The following SERPINA12 variants were observed in gnomAD, a reference collection of about 807,000 sequenced individuals.
SERPINA12 encodes the protein serpin A12.
A neutral mutation model predicts 25.9 loss-of-function variants in SERPINA12; 21 were observed. That is an observed-to-expected ratio of 0.81 (90% CI 0.58 to 1.17). SERPINA12 has a LOEUF of 1.17. SERPINA12 is among the 50% of genes most tolerant of loss of function. The pLI is 0.00. For synonymous variants in SERPINA12, 220 were observed against 196.0 expected (o/e 1.12, Z -1.02); for missense variants, 562 against 508.3 (o/e 1.11, Z -1.02).
At position 94,489,784 on chromosome 14, in the gene SERPINA12, A is replaced by T. The variant is rs371013426; in HGVS notation, c.906-17T>A. On this transcript the variant is annotated splice_polypyrimidine_tract_variant and intron_variant, in intron 3 of 4. Transcript: ENST00000677451. ...TCTACGACCCTGGGGAATTGACACG[A>T]CAAGGGTGAGTGGTCAAGTCCTGTT... 1 of 1,612,688 alleles carries T rather than the reference A, an allele frequency of 6.2e-7. No homozygotes were observed. The highest frequency in any genetic ancestry group is 8.5e-7 in the Non-Finnish European group (1 of 1,179,060).
chr14:94,488,561 T>C (rs1900002199), intron 4 of SERPINA12, among the ~76,000 whole-genome samples: 1 of 152,190 alleles, frequency 6.6e-6, no homozygotes, highest in Admixed American at 6.5e-5. Context: ...GAATATGTTT[T>C]AGTGTAAGTG....
chr14:94,492,743 T>C (rs10150123), intron 3 of SERPINA12, among the ~76,000 whole-genome samples: 10,728 of 152,212 alleles, frequency 0.07, 1,284 homozygotes, highest in African/African-American at 0.24. Context: ...CATATACCAA[T>C]ATGTACGGAA....
At chr14:94,511,537 G>A (rs966275096), upstream of SERPINA12, 28 of 985,274 alleles carry the variant, frequency 2.8e-5, no homozygotes, top group South Asian at 1.2e-3. Flanking sequence ...TCCTGGGATG[G>A]CTCACTCTAG....
chr14:94,487,841 G>T (rs1899969379), intron 4 of SERPINA12, among the ~76,000 whole-genome samples: 1 of 152,132 alleles, frequency 6.6e-6, no homozygotes, highest in Non-Finnish European at 1.5e-5. Flanking sequence ...GTGAAAGTGA[G>T]GTGGTGGTAC....
At chr14:94,493,528 C>G (rs937421905) in intron 3 of SERPINA12, among the ~76,000 whole-genome samples, 4 of 152,122 alleles carry the variant, frequency 2.6e-5, no homozygotes, top group Admixed American at 6.5e-5. Flanking sequence ...GAAGGAGGTG[C>G]CCTGGAAGAG....
At chr14:94,487,527 C>G (rs773743293) in intron 4 of SERPINA12, 33 bp from the exon 5 acceptor site, 1 of 1,567,370 alleles carries the variant, frequency 6.4e-7, no homozygotes, top group East Asian at 2.3e-5. Context: ...CAAGGTCTGC[C>G]AAGCTCCTTG....
At chr14:94,508,633 A>G (rs1901015693) in intron 1 of SERPINA12, among the ~76,000 whole-genome samples, 13 of 152,260 alleles carry the variant, frequency 8.5e-5, no homozygotes, top group Admixed American at 8.5e-4. Context: ...GATGGCATAT[A>G]TGGATATACC....
upstream of SERPINA12, among the ~76,000 whole-genome samples, chr14:94,513,043 C>T (rs987122975): frequency 6.6e-6 from 1 of 152,180 alleles, no homozygotes; most frequent in East Asian, 1.9e-4. Flanking sequence ...GGAGTGATAC[C>T]GAGGGTAGCT....
Position 94,497,903 on chromosome 14 carries a change from G to A in SERPINA12, c.495C>T (p.Thr165=). 4 of 1,614,178 alleles carry A rather than the reference G, an allele frequency of 2.5e-6. No homozygotes were observed. The highest frequency in any genetic ancestry group is 3.4e-6 in the Non-Finnish European group (4 of 1,180,034). ...KNFYSAETIL[T]NFQNLEMAQK... The stretch of plus-strand genomic sequence containing the variant: ...GAGCCATTTCCAAATTCTGAAAGTT[G>A]GTAAGGATGGTTTCGGCACTGTAAA... Residue 165 remains threonine, a synonymous_variant, in exon 2 of 5, where the codon ACC becomes ACT. Transcript: ENST00000677451.
At chr14:94,503,479 G>T in intron 1 of SERPINA12, 1 of 216,072 alleles carries the variant, frequency 4.6e-6, no homozygotes, top group Non-Finnish European at 7.9e-6. Flanking sequence ...AAGCCCCACA[G>T]CCTTCTCCAA....
chr14:94,515,670 G>A (rs188839142), intron 2 of SERPINA12: 1 of 151,930 alleles, frequency 6.6e-6, no homozygotes, highest in Non-Finnish European at 1.5e-5. Flanking sequence ...ATGCAGGCAA[G>A]CAGTGCAGAT....
intron 4 of SERPINA12, 118 bp from the exon 5 acceptor site, chr14:94,487,612 G>A: frequency 1.3e-6 from 1 of 755,552 alleles, no homozygotes; most frequent in South Asian, 2.1e-5. Context: ...CAGCACAGCA[G>A]TAACTTGGTT....
At chr14:94,509,475 G>C (rs1052807553), upstream of SERPINA12, among the ~76,000 whole-genome samples, 9 of 151,940 alleles carry the variant, frequency 5.9e-5, no homozygotes, top group Admixed American at 6.6e-5. Context: ...GTTCCTCTAG[G>C]CTCCCAGCCC....
At chr14:94,497,678 A>T in intron 2 of SERPINA12, 86 bp downstream of exon 2, 1 of 1,250,140 alleles carries the variant, frequency 8.0e-7, no homozygotes, top group East Asian at 2.3e-5. Flanking sequence ...TCAAGGTCAC[A>T]GAGTAAACAA....
chr14:94,494,766 A>G (rs1900323637), intron 3 of SERPINA12, among the ~76,000 whole-genome samples: 3 of 152,232 alleles, frequency 2.0e-5, no homozygotes, highest in African/African-American at 4.8e-5. Flanking sequence ...CTGTGGGGCA[A>G]TGCTGTGCTA....
At chr14:94,493,252 T>G (rs1449113929) in intron 3 of SERPINA12, among the ~76,000 whole-genome samples, 2 of 152,296 alleles carry the variant, frequency 1.3e-5, no homozygotes, top group African/African-American at 4.8e-5. Flanking sequence ...TTTGTTCCTA[T>G]CATGTTCTAA....
At position 94,496,494 on chromosome 14, in the gene SERPINA12, T is replaced by C; in HGVS notation, c.784A>G (p.Ile262Val). Residue 262 changes from isoleucine (I) to valine (V), a missense_variant, in exon 3 of 5, where the codon ATA (isoleucine) becomes GTA (valine). Physicochemically the swap from Ile to Val is conservative, Grantham distance 29 (BLOSUM62 3). Coordinates refer to ENST00000677451, the MANE Select transcript of SERPINA12 (RefSeq NM_001382267.1). Reference protein sequence around the residue: ...DDKLSCTILEIPYQKNITAIF... With the variant: ...DDKLSCTILEVPYQKNITAIF... ...GCTGTGATATTTTTCTGGTAGGGTA[T>C]TTCCAGGATGGTGCAAGAGAGCTTA... 1 of 1,614,130 alleles carries C rather than the reference T, an allele frequency of 6.2e-7. No homozygotes were observed. Among genetic ancestry groups the C allele is most frequent in the South Asian group, 1.1e-5 (1 of 91,068 alleles).
At chr14:94,498,688 T>C (rs1900580530) in intron 1 of SERPINA12, among the ~76,000 whole-genome samples, 1 of 152,210 alleles carries the variant, frequency 6.6e-6, no homozygotes, top group African/African-American at 2.4e-5. Context: ...AGTGTCTCAA[T>C]TCCTTTGAGG....
intron 2 of SERPINA12, among the ~76,000 whole-genome samples, chr14:94,497,408 G>A (rs113958256): frequency 0.054 from 8,277 of 152,270 alleles, 291 homozygotes; most frequent in Middle Eastern, 0.13. Context: ...GTCAATGATG[G>A]GCTTTGTAAC....
Sources: allele counts gnomAD v4.1 joint callset (sites outside exome capture counted in the v4.1 genomes callset), GRCh38; gene constraint gnomAD v4.1.1; transcripts MANE v1.5; gene names NCBI Gene and HGNC (gene_info 2026-07-23, HGNC 2026-07-21).